COL4A2: variants seen among roughly 807,000 people sequenced by gnomAD.
COL4A2 encodes collagen type IV alpha 2 chain.
COL4A2 carries 99 observed loss-of-function variants against 200.2 expected under a neutral mutation model. That is an observed-to-expected ratio of 0.49 (90% confidence interval 0.42 to 0.58). COL4A2 has a LOEUF of 0.58. Among genes scored for constraint, COL4A2 ranks in the 20% least tolerant of loss-of-function variants. COL4A2 has a pLI of 0.00. For synonymous variants in COL4A2, 897 were observed against 900.6 expected, an observed-to-expected ratio of 1.00 and a Z score of 0.07; for missense variants, 1,950 against 2,314.1, an observed-to-expected ratio of 0.84 and a Z score of 3.23.
intron 4 of COL4A2, among the ~76,000 whole-genome samples, chr13:110,408,694 G>A (rs1314478298): frequency 2.0e-5 from 3 of 152,226 alleles, no homozygotes; most frequent in South Asian, 2.1e-4. Context: ...ACATCCTTGC[G>A]GCATTGCTCC....
chr13:110,460,516 G>A (rs538433315), intron 22 of COL4A2, among the ~76,000 whole-genome samples: 11 of 152,228 alleles, frequency 7.2e-5, no homozygotes, highest in African/African-American at 2.2e-4. Flanking sequence ...AAACGTGACC[G>A]AATATTTCCC....
At chr13:110,408,762 A>C (rs1305265203) in intron 4 of COL4A2, among the ~76,000 whole-genome samples, 1 of 152,158 alleles carries the variant, frequency 6.6e-6, no homozygotes, top group Non-Finnish European at 1.5e-5. Flanking sequence ...TGAGAGCAGA[A>C]GACCACAACA....
chr13:110,390,116 G>C (rs1878931517), intron 4 of COL4A2, among the ~76,000 whole-genome samples: 1 of 152,184 alleles, frequency 6.6e-6, no homozygotes. Context: ...CCTGCTCTGG[G>C]TGCCAGCTAC....
At chr13:110,477,202 GAA>G (rs1566556956) in intron 29 of COL4A2, among the ~76,000 whole-genome samples, 24 of 152,248 alleles carry the variant, frequency 1.6e-4, no homozygotes, top group East Asian at 7.7e-4. Context: ...AAGAAAGAAA[GAA>G]AGAAAAGATA....
chr13:110,425,155 C>G (rs186564889), intron 6 of COL4A2, among the ~76,000 whole-genome samples, 158 bp downstream of exon 6: 203 of 152,292 alleles, frequency 1.3e-3, no homozygotes, highest in Non-Finnish European at 2.4e-3. Flanking sequence ...GGAATTCAGT[C>G]AGACAGTGAA....
rs7489705 is a variant in COL4A2, at chr13:110,445,763, C to T, written c.958-66C>T. ...TTCATTTTGTGAGATATAATAATGC[C>T]ATTGCAGTCCCTTTTTGGAGTTATA... On this transcript the variant is annotated intron_variant, in intron 16 of 47. Transcript: ENST00000360467. 1,302,374 of 1,560,462 alleles carry T rather than the reference C, an allele frequency of 0.83. 545,271 individuals are homozygous for T. The highest frequency in any genetic ancestry group is 0.89 in the Middle Eastern group (5,307 of 5,964).
At chr13:110,468,039 T>C (rs1328959323) in intron 27 of COL4A2, 1 of 415,700 alleles carries the variant, frequency 2.4e-6, no homozygotes, top group Non-Finnish European at 5.0e-6. Context: ...TCTAGATGCT[T>C]CCTGCTGCAC....
intron 3 of COL4A2, among the ~76,000 whole-genome samples, chr13:110,354,414 A>G (rs1207194108): frequency 2.0e-5 from 3 of 152,194 alleles, no homozygotes; most frequent in East Asian, 3.9e-4. Flanking sequence ...TATGAGCCCC[A>G]TTGCAGATAA....
At position 110,335,484 on chromosome 13, in the gene COL4A2, T is replaced by G. The variant is rs942413889; in HGVS notation, c.100-21988T>G. On this transcript the variant is annotated intron_variant, in intron 3 of 47. Coordinates refer to ENST00000360467, the MANE Select transcript of COL4A2 (RefSeq NM_001846.4). ...CTCTTGTCTGCCACCATGTAAGACGTGCCTTTTGCCTTCTGCCATGATTGT... is the reference window on the plus strand; with the variant it reads ...CTCTTGTCTGCCACCATGTAAGACGGGCCTTTTGCCTTCTGCCATGATTGT... Among the ~76,000 whole-genome samples, 13 of 152,314 alleles carry G rather than the reference T, an allele frequency of 8.5e-5. No homozygotes were observed. The East Asian group carries it at 2.1e-3, about 25-fold the overall frequency.
intron 22 of COL4A2, chr13:110,459,811 T>C (rs1019495959): frequency 1.1e-4 from 16 of 152,248 alleles, no homozygotes; most frequent in African/African-American, 3.6e-4. Flanking sequence ...TTCTGAAGTT[T>C]AGCAAGAACT....
intron 3 of COL4A2, among the ~76,000 whole-genome samples, chr13:110,325,167 A>T (rs1445593859): frequency 6.6e-6 from 1 of 152,248 alleles, no homozygotes; most frequent in Non-Finnish European, 1.5e-5. Context: ...TTTAAGCCAC[A>T]TGTGTCCATA....
intron 8 of COL4A2, chr13:110,430,189 C>T: frequency 1.5e-6 from 1 of 671,224 alleles, no homozygotes; most frequent in Non-Finnish European, 2.2e-6. Context: ...CAAATTAGTA[C>T]TTGTAGTTAA....
intron 3 of COL4A2, among the ~76,000 whole-genome samples, chr13:110,350,573 C>T (rs1354884660): frequency 6.6e-6 from 1 of 152,212 alleles, no homozygotes; most frequent in Non-Finnish European, 1.5e-5. Flanking sequence ...CATGCTGAAC[C>T]TGTAATAACT....
chr13:110,509,969 C>T (rs938685163), intron 47 of COL4A2, among the ~76,000 whole-genome samples: 1 of 152,220 alleles, frequency 6.6e-6, no homozygotes, highest in Non-Finnish European at 1.5e-5. Flanking sequence ...GTCTAGGAGG[C>T]AGGACCTAAA....
intron 45 of COL4A2, among the ~76,000 whole-genome samples, chr13:110,505,741 A>G (rs1169977600): frequency 6.6e-6 from 1 of 152,206 alleles, no homozygotes; most frequent in East Asian, 1.9e-4. Flanking sequence ...GCTGTGGTCA[A>G]GTGCGCAGTC....
chr13:110,407,542 C>T (rs779415221), intron 4 of COL4A2, among the ~76,000 whole-genome samples: 1 of 152,200 alleles, frequency 6.6e-6, no homozygotes, highest in South Asian at 2.1e-4. Context: ...GGGGCCTTCA[C>T]GTTTTTACAT....
chr13:110,503,981 C>G lies in COL4A2; in HGVS notation c.4273C>G (p.Pro1425Ala), dbSNP rs752758417. The G allele has an allele frequency of 3.2e-6, 5 of 1,558,174 alleles. No individual in the cohort carries two copies. Among genetic ancestry groups the G allele is most frequent in the Middle Eastern group, 1.9e-4 (1 of 5,402 alleles). ...APGEMGPQGP[P>A]GEPGFRGAPG... Reference sequence around the variant, plus strand: ...GGGGGAGATGGGGCCCCAGGGCCCCCCCGGAGAACCAGGTAGAGTGCTGAG... The same window carrying G: ...GGGGGAGATGGGGCCCCAGGGCCCCGCCGGAGAACCAGGTAGAGTGCTGAG... Residue 1425 changes from proline to alanine, a missense_variant, in exon 44 of 48, where the codon CCC (proline) becomes GCC (alanine). By Grantham distance (27) the Pro-to-Ala change is conservative (BLOSUM62 -1). Coordinates refer to ENST00000360467, the MANE Select transcript of COL4A2 (RefSeq NM_001846.4).
chr13:110,310,281 G>T (rs978156863), intron 3 of COL4A2, among the ~76,000 whole-genome samples: 1 of 152,196 alleles, frequency 6.6e-6, no homozygotes, highest in East Asian at 1.9e-4. Flanking sequence ...ACCCTGAAAG[G>T]CTTGTTAAGA....
chr13:110,504,614 T>G (rs1254858027), intron 45 of COL4A2, among the ~76,000 whole-genome samples: 1 of 152,294 alleles, frequency 6.6e-6, no homozygotes, highest in East Asian at 1.9e-4. Flanking sequence ...TTACTTTTTT[T>G]TCTTTTTTGG....
Sources: gnomAD v4.1 joint callset for allele counts (sites outside exome capture counted in the v4.1 genomes callset) on GRCh38, gnomAD v4.1.1 for gene constraint, MANE v1.5 for transcripts, NCBI Gene and HGNC (gene_info 2026-07-23, HGNC 2026-07-21) for gene names.